The following CNTNAP2 variants were observed in gnomAD, a reference collection of about 807,000 sequenced individuals.
The protein encoded by CNTNAP2 is contactin associated protein 2, also known as contactin-associated protein-like 2.
CNTNAP2 carries 98 observed loss-of-function variants against 155.2 expected under a neutral mutation model. That is an observed-to-expected ratio of 0.63 (90% confidence interval 0.54 to 0.75). The LOEUF (loss-of-function observed/expected upper bound fraction) is 0.75, where lower values mean the gene tolerates loss of function less well. Among genes scored for constraint, CNTNAP2 ranks in the 30% least tolerant of loss-of-function variants. The pLI is 0.00. For missense variants in CNTNAP2, 1,727 were observed against 1,688.1 expected, an observed-to-expected ratio of 1.02 and a Z score of -0.40; for synonymous variants, 651 against 631.2, an observed-to-expected ratio of 1.03 and a Z score of -0.47.
chr7:146,988,721 C>T (rs538517043), intron 3 of CNTNAP2, among the ~76,000 whole-genome samples: 1 of 152,146 alleles, frequency 6.6e-6, no homozygotes, highest in African/African-American at 2.4e-5. Context: ...ATACACAGAC[C>T]AAAGAGAACA....
chr7:146,342,602 T>C (rs1177334515), intron 1 of CNTNAP2, among the ~76,000 whole-genome samples: 2 of 152,190 alleles, frequency 1.3e-5, no homozygotes, highest in Non-Finnish European at 2.9e-5. Flanking sequence ...TTTCTAGATA[T>C]TAAAAAGCAT....
intron 11 of CNTNAP2, among the ~76,000 whole-genome samples, chr7:147,508,337 C>A (rs528245342): frequency 2.0e-5 from 3 of 152,122 alleles, no homozygotes; most frequent in Admixed American, 2.0e-4. Context: ...CCTTTAGCAA[C>A]CCAGCCACTG....
intron 13 of CNTNAP2, among the ~76,000 whole-genome samples, chr7:147,665,611 C>T (rs941191192): frequency 2.0e-5 from 3 of 152,090 alleles, no homozygotes; most frequent in African/African-American, 7.2e-5. Context: ...TTTCCTGATC[C>T]TCTCCCTCCT....
chr7:146,543,175 T>G (rs1050765951), intron 1 of CNTNAP2, among the ~76,000 whole-genome samples: 1 of 151,794 alleles, frequency 6.6e-6, no homozygotes, highest in Non-Finnish European at 1.5e-5. Context: ...CTTAATAAAT[T>G]TTTTTTATTT....
At chr7:146,721,246 A>C (rs953143936) in intron 1 of CNTNAP2, among the ~76,000 whole-genome samples, 2 of 131,576 alleles carry the variant, frequency 1.5e-5, no homozygotes, top group African/African-American at 2.8e-5. Context: ...TACTCTCTCT[A>C]TATTCTCTAT....
Position 147,460,688 on chromosome 7 carries a change from G to A in CNTNAP2, c.1671-25247G>A, listed in dbSNP as rs534898362. On this transcript the variant is annotated intron_variant, in intron 10 of 23. Coordinates refer to ENST00000361727, the MANE Select transcript of CNTNAP2 (RefSeq NM_014141.6). ...ATTCTTCAGTTTTGCTTTGTTTTTT[G>A]CAGTTTATTTCCCTATGTGAGTTTC... is the stretch of plus-strand genomic sequence containing the variant. 3.0e-3 allele frequency among the ~76,000 whole-genome samples: 463 copies of A among 152,114 alleles called. 1 individual carries two copies. Among genetic ancestry groups the A allele is most frequent in the African/African-American group, 0.011 (436 of 41,448 alleles).
intron 15 of CNTNAP2, among the ~76,000 whole-genome samples, chr7:148,115,219 T>C (rs1312699987): frequency 6.6e-6 from 1 of 152,376 alleles, no homozygotes; most frequent in East Asian, 1.9e-4. Flanking sequence ...CTGATGGAAC[T>C]ACTTTTCTCC....
Position 146,497,906 on chromosome 7 carries a change from C to T in CNTNAP2, c.98-276365C>T, listed in dbSNP as rs1317360229. Among the ~76,000 whole-genome samples the T allele has an allele frequency of 3.3e-4, 49 of 148,182 alleles. 1 individual carries two copies. The Admixed American group carries it at 3.3e-3, about 10-fold the overall frequency. On this transcript the variant is annotated intron_variant, in intron 1 of 23. Coordinates refer to ENST00000361727, the MANE Select transcript of CNTNAP2 (RefSeq NM_014141.6). ...ATACAATTATATATGTTTATTCAAA[C>T]ATATATAAACATATATTCTAACATA...
chr7:146,879,998 C>T (rs755640173), intron 3 of CNTNAP2, among the ~76,000 whole-genome samples: 19 of 151,878 alleles, frequency 1.3e-4, no homozygotes, highest in Admixed American at 7.9e-4. Flanking sequence ...CATCAGATCT[C>T]GTAAGACTTA....
intron 9 of CNTNAP2, among the ~76,000 whole-genome samples, chr7:147,383,893 C>T (rs1368600464): frequency 6.6e-6 from 1 of 152,066 alleles, no homozygotes; most frequent in Non-Finnish European, 1.5e-5. Context: ...CCAACACACA[C>T]ATATGTAACT....
At chr7:148,171,032 T>C (rs987506756) in intron 17 of CNTNAP2, among the ~76,000 whole-genome samples, 3 of 152,142 alleles carry the variant, frequency 2.0e-5, no homozygotes, top group Non-Finnish European at 2.9e-5. Flanking sequence ...TAAACCCTGT[T>C]TGTTGCCTTA....
At chr7:146,625,165 G>T (rs1334124480) in intron 1 of CNTNAP2, among the ~76,000 whole-genome samples, 1 of 151,936 alleles carries the variant, frequency 6.6e-6, no homozygotes, top group African/African-American at 2.4e-5. Context: ...TCATTGTGCA[G>T]AAGATTGACA....
chr7:146,296,935 A>G (rs1800523375), intron 1 of CNTNAP2, among the ~76,000 whole-genome samples: 1 of 151,814 alleles, frequency 6.6e-6, no homozygotes, highest in African/African-American at 2.4e-5. Flanking sequence ...GTTATTTTGT[A>G]TAAAGATTAA....
intron 1 of CNTNAP2, among the ~76,000 whole-genome samples, chr7:146,388,364 G>A (rs191141804): frequency 6.6e-6 from 1 of 152,200 alleles, no homozygotes; most frequent in Admixed American, 6.5e-5. Context: ...GAGCCCGGGA[G>A]GTTGAGGCTG....
At chr7:148,224,291 C>CA (rs1795804683) in intron 19 of CNTNAP2, among the ~76,000 whole-genome samples, 1 of 150,916 alleles carries the variant, frequency 6.6e-6, no homozygotes, top group African/African-American at 2.4e-5. Flanking sequence ...CCGTCATTCC[C>CA]AAACAATGGA....
At chr7:147,400,451 G>T (rs2116465969) in intron 10 of CNTNAP2, among the ~76,000 whole-genome samples, 1 of 152,260 alleles carries the variant, frequency 6.6e-6, no homozygotes, top group East Asian at 1.9e-4. Flanking sequence ...AGGACACATG[G>T]TTAGGAAGAA....
At chr7:146,210,956 A>C (rs2116882919) in intron 1 of CNTNAP2, among the ~76,000 whole-genome samples, 1 of 152,250 alleles carries the variant, frequency 6.6e-6, no homozygotes, top group South Asian at 2.1e-4. Context: ...CCCTGAGATA[A>C]GATTTTGCCT....
At chr7:147,039,004 A>G (rs1713160278) in intron 3 of CNTNAP2, among the ~76,000 whole-genome samples, 1 of 152,010 alleles carries the variant, frequency 6.6e-6, no homozygotes, top group South Asian at 2.1e-4. Context: ...TCTTCCAACA[A>G]TACTGACTTC....
At chr7:147,850,142 G>A (rs190203313) in intron 13 of CNTNAP2, among the ~76,000 whole-genome samples, 19 of 152,006 alleles carry the variant, frequency 1.2e-4, no homozygotes, top group Middle Eastern at 3.4e-3. Context: ...AATGCTTTTT[G>A]GTAAAAATCT....
Sources: allele counts gnomAD v4.1 joint callset (sites outside exome capture counted in the v4.1 genomes callset), GRCh38; gene constraint gnomAD v4.1.1; transcripts MANE v1.5; gene names NCBI Gene and HGNC (gene_info 2026-07-23, HGNC 2026-07-21).